The following BSN variants were observed in gnomAD, a reference collection of about 807,000 sequenced individuals.
BSN encodes the protein bassoon presynaptic cytomatrix protein.
In BSN, 57 loss-of-function variants were observed where a neutral mutation model predicts 264.8. The ratio of observed to expected loss-of-function variants is 0.22; its 90% CI spans 0.17 to 0.27. BSN has a LOEUF of 0.27. Ranked by LOEUF, BSN falls within the 10% of genes least tolerant of loss-of-function variation. The pLI, the probability that BSN is intolerant of heterozygous loss-of-function variation, is 1.00. For synonymous variants in BSN, 2,059 were observed against 2,137.3 expected (o/e 0.96, Z 1.01); for missense variants, 4,615 against 5,232.5 (o/e 0.88, Z 3.64).
intron 1 of BSN, among the ~76,000 whole-genome samples, chr3:49,616,958 G>A (rs2052263894): frequency 6.6e-6 from 1 of 152,150 alleles, no homozygotes; most frequent in Non-Finnish European, 1.5e-5. Context: ...CTCTGTTCCC[G>A]TTCCCAGCAG....
chr3:49,622,678 T>C (rs1166923216), intron 1 of BSN, among the ~76,000 whole-genome samples: 1 of 152,250 alleles, frequency 6.6e-6, no homozygotes, highest in Non-Finnish European at 1.5e-5. Context: ...AGGGCTGCCT[T>C]TAAACTCCAG....
intron 2 of BSN, among the ~76,000 whole-genome samples, chr3:49,632,769 G>C (rs1382177040): frequency 6.6e-6 from 1 of 151,686 alleles, no homozygotes; most frequent in Non-Finnish European, 1.5e-5. Context: ...GCACTACTGG[G>C]TGACAGAGCC....
intron 2 of BSN, among the ~76,000 whole-genome samples, chr3:49,630,377 G>A (rs996787083): frequency 6.6e-6 from 1 of 152,236 alleles, no homozygotes; most frequent in Admixed American, 6.5e-5. Flanking sequence ...CGAATAGCTA[G>A]TCCTTGGGCA....
At chr3:49,647,423 C>T (rs79473993) in intron 3 of BSN, among the ~76,000 whole-genome samples, 11 of 152,300 alleles carry the variant, frequency 7.2e-5, no homozygotes, top group African/African-American at 2.4e-4. Flanking sequence ...TAGAAAGGAA[C>T]TGGACAGAGG....
At position 49,642,742 on chromosome 3, in the gene BSN, G is replaced by C. The variant is rs372819667; in HGVS notation, c.1108G>C (p.Glu370Gln). 3 of 1,613,510 alleles carry C rather than the reference G, an allele frequency of 1.9e-6. No homozygotes were observed. The highest frequency in any genetic ancestry group is 2.5e-6 in the Non-Finnish European group (3 of 1,180,018). ...GAGCACCCTCATGTCTGTGCAGCCC[G>C]AGGCTGACACCCAGGGCCAGCCTGC... Reference protein sequence around the residue: ...QASTLMSVQPEADTQGQPAPS... With the variant: ...QASTLMSVQPQADTQGQPAPS... The change falls in exon 3 of 12, where the codon GAG becomes CAG. Residue 370 changes from glutamate (E) to glutamine (Q), a missense_variant. Physicochemically the swap from Glu to Gln is conservative, Grantham distance 29. Transcript: ENST00000296452. This position sits in a 1 kb window ranked among gnomAD's most constrained non-coding sequence, Gnocchi z 7.0.
At chr3:49,633,181 A>T (rs1482794633) in intron 2 of BSN, among the ~76,000 whole-genome samples, 1 of 151,268 alleles carries the variant, frequency 6.6e-6, no homozygotes, top group Non-Finnish European at 1.5e-5. Flanking sequence ...GGGCACTTGT[A>T]ATCCTAGCTG....
chr3:49,663,872 G>A lies in BSN; in HGVS notation c.11594G>A (p.Gly3865Glu), dbSNP rs1183128813. 6.2e-7 allele frequency: 1 copy of A among 1,613,704 alleles called. No homozygotes were observed. Among genetic ancestry groups the A allele is most frequent in the Non-Finnish European group, 8.5e-7 (1 of 1,179,802 alleles). Residue 3865 changes from glycine to glutamate, a missense_variant, in exon 8 of 12, where the codon GGA becomes GAA. Gly to Glu is a moderately conservative substitution (Grantham distance 98). Transcript: ENST00000296452. ...GRAPQAQPAP[G>E]PGPAGVKAGA... The stretch of plus-strand genomic sequence containing the variant: ...GCTCCTCAGGCCCAGCCAGCACCAG[G>A]ACCTGGACCTGCAGGTGAGCCTATC...
chr3:49,664,963 G>C, intron 10 of BSN, 110 bp downstream of exon 10: 4 of 808,634 alleles, frequency 4.9e-6, no homozygotes, highest in Non-Finnish European at 6.2e-6. Context: ...TCCAGTCTTC[G>C]GCTGGTTCAG....
rs1216071013 is a variant in BSN, at chr3:49,654,674, G to A, written c.5118G>A (p.Arg1706=). ...YGLALDPIPG[R]QSTAVQPLVI... ...TTGCCCTGGATCCAATCCCAGGACG[G>A]CAGTCGACCGCCGTGCAGCCCTTGG... Residue 1706 remains arginine, a synonymous_variant, in exon 5 of 12, where the codon CGG becomes CGA. Coordinates refer to ENST00000296452, the MANE Select transcript of BSN (RefSeq NM_003458.4). The surrounding 1 kb of genome is among the most constrained non-coding windows in gnomAD (Gnocchi z 4.1). The A allele has an allele frequency of 6.2e-7, 1 of 1,613,686 alleles. No homozygotes were observed. Among genetic ancestry groups the A allele is most frequent in the Non-Finnish European group, 8.5e-7 (1 of 1,180,032 alleles).
At position 49,554,686 on chromosome 3, in the gene BSN, C is replaced by G. The variant is rs1455105655; in HGVS notation, c.84C>G (p.Gly28=). The G allele has an allele frequency of 9.4e-7, 1 of 1,066,358 alleles. No homozygotes were observed. The highest frequency in any genetic ancestry group is 1.1e-6 in the Non-Finnish European group (1 of 880,758). 66.1% of individuals were successfully genotyped at this position (1,066,358 alleles called of 1,614,324 possible). Residue 28 remains glycine (G), a synonymous_variant, in exon 1 of 12, where the codon GGC becomes GGG. Coordinates refer to ENST00000296452, the MANE Select transcript of BSN (RefSeq NM_003458.4). ...GCGCCGGCCCCGGCCCGGGCCCCGG[C>G]CCCGGCCCCGGCGCAGGAAAGCCGC... is the stretch of plus-strand genomic sequence containing the variant. ...PGGAGPGPGP[G]PGPGAGKPPS...
intron 1 of BSN, among the ~76,000 whole-genome samples, chr3:49,574,561 G>A (rs2051826317): frequency 6.7e-6 from 1 of 148,474 alleles, no homozygotes. Flanking sequence ...AGCCTGCCTA[G>A]TAACTGGGAT....
intron 1 of BSN, among the ~76,000 whole-genome samples, chr3:49,602,868 A>G (rs1348961388): frequency 6.6e-6 from 1 of 152,160 alleles, no homozygotes; most frequent in Non-Finnish European, 1.5e-5. Flanking sequence ...ATCTTCTCCC[A>G]TAGTCTGGCC....
chr3:49,617,273 A>G (rs1283804993), intron 1 of BSN, among the ~76,000 whole-genome samples: 3 of 120,018 alleles, frequency 2.5e-5, no homozygotes, highest in South Asian at 4.7e-4. Context: ...AAAATAAAAA[A>G]TAAAATACAT....
rs2052437983 is a variant in BSN, at chr3:49,638,673, C to G, written c.634-3595C>G. Among the ~76,000 whole-genome samples the G allele has an allele frequency of 6.6e-6, 1 of 152,166 alleles. No individual in the cohort carries two copies. Among genetic ancestry groups the G allele is most frequent in the African/African-American group, 2.4e-5 (1 of 41,438 alleles). ...GTTTCAGCCTTTTCTTGGAGAAGTT[C>G]TATTTTAGGTGAGATGCCTGTGCCA... On this transcript the variant is annotated intron_variant, in intron 2 of 11. Transcript: ENST00000296452. The surrounding 1 kb of genome is among the most constrained non-coding windows in gnomAD (Gnocchi z 4.3).
chr3:49,652,507 C>T lies in BSN; in HGVS notation c.2951C>T (p.Pro984Leu). Reference protein sequence around the residue: ...RSRGEHSSTLPASTPSYTSGT... With the variant: ...RSRGEHSSTLLASTPSYTSGT... ...CGTGGTGAGCACTCCTCTACATTGC[C>T]TGCCTCCACACCCAGCTACACCTCG... The change falls in exon 5 of 12, where the codon CCT becomes CTT. Residue 984 changes from proline (P) to leucine (L), a missense_variant. Around this residue, in one of 3 missense-constraint regions of BSN, gnomAD observed 1,197 missense variants for 1,348.0 expected, o/e 0.89. Coordinates refer to ENST00000296452, the MANE Select transcript of BSN (RefSeq NM_003458.4). The T allele has an allele frequency of 6.2e-7, 1 of 1,613,810 alleles. No individual in the cohort carries two copies. The highest frequency in any genetic ancestry group is 8.5e-7 in the Non-Finnish European group (1 of 1,180,020).
intron 3 of BSN, among the ~76,000 whole-genome samples, chr3:49,646,840 C>T (rs1476352460): frequency 6.6e-6 from 1 of 152,122 alleles, no homozygotes. Context: ...ACACTGGGGA[C>T]ACCATGGTGG....
rs2052539561 is a variant in BSN at position 49,651,268 on chromosome 3, C to G, written c.1986+189C>G. The G allele has an allele frequency of 3.0e-6, 2 of 656,126 alleles. No individual in the cohort carries two copies. The highest frequency in any genetic ancestry group is 5.0e-6 in the Non-Finnish European group (2 of 397,298). 40.6% of individuals were successfully genotyped at this position (656,126 alleles called of 1,614,324 possible). A position where few individuals can be genotyped will look rare whatever the true frequency, so the allele number is the denominator to read the frequency against. On this transcript the variant is annotated intron_variant, in intron 4 of 11. Transcript: ENST00000296452. This position sits in a 1 kb window ranked among gnomAD's most constrained non-coding sequence, Gnocchi z 5.4. ...ACGCTTGGAGACTGTGGGTTTTACA[C>G]TGGTGCTGTGTCTGGCACCTTGTCA...
At chr3:49,641,491 TA>T (rs2052462669) in intron 2 of BSN, 2 of 152,236 alleles carry the variant, frequency 1.3e-5, no homozygotes, top group South Asian at 4.1e-4. Flanking sequence ...ACTATGTGTT[TA>T]TCACATGGAT....
chr3:49,555,674 A>C (rs1004143986), intron 1 of BSN, among the ~76,000 whole-genome samples: 1 of 152,246 alleles, frequency 6.6e-6, no homozygotes, highest in Non-Finnish European at 1.5e-5. Flanking sequence ...GGGAATGCCA[A>C]TATATAATAA....
Sources: allele counts gnomAD v4.1 joint callset (sites outside exome capture counted in the v4.1 genomes callset), GRCh38; gene constraint gnomAD v4.1.1; regional missense constraint gnomAD v4.1.1; non-coding constraint Gnocchi (gnomAD v3.1); transcripts MANE v1.5; gene names NCBI Gene and HGNC (gene_info 2026-07-23, HGNC 2026-07-21).